PTPRN2: variants seen among roughly 807,000 people sequenced by gnomAD.
PTPRN2 encodes protein tyrosine phosphatase receptor type N2.
In PTPRN2, 74 loss-of-function variants were observed where a neutral mutation model predicts 118.8. The observed-to-expected ratio is 0.62, with a 90% CI of 0.52 to 0.76. The LOEUF (loss-of-function observed/expected upper bound fraction) is 0.76. Among genes scored for constraint, PTPRN2 ranks in the 30% least tolerant of loss-of-function variants. The probability of loss-of-function intolerance (pLI) is 0.00; values close to 1 mark genes in which losing one functional copy is unlikely to be tolerated. For missense variants in PTPRN2, 1,481 were observed against 1,394.4 expected (o/e 1.06, Z -0.99); for synonymous variants, 641 against 608.0 (o/e 1.05, Z -0.80).
At chr7:157,721,941 A>G (rs963037390) in intron 12 of PTPRN2, among the ~76,000 whole-genome samples, 1 of 152,148 alleles carries the variant, frequency 6.6e-6, no homozygotes, top group Admixed American at 6.5e-5. Context: ...AAACGAGAAC[A>G]CTTCATTCAA....
At chr7:158,431,618 G>A (rs1419694362) in intron 2 of PTPRN2, among the ~76,000 whole-genome samples, 96 of 101,920 alleles carry the variant, frequency 9.4e-4, no homozygotes, top group African/African-American at 3.4e-3. Flanking sequence ...ACACTGGCTC[G>A]CACTGGGCAC....
At chr7:157,835,971 C>T (rs922526836) in intron 12 of PTPRN2, among the ~76,000 whole-genome samples, 4 of 152,126 alleles carry the variant, frequency 2.6e-5, no homozygotes, top group Non-Finnish European at 4.4e-5. Flanking sequence ...CAACAAGCAA[C>T]GTTAGACACA....
At position 158,574,569 on chromosome 7, in the gene PTPRN2, T is replaced by C. The variant is rs1828221269; in HGVS notation, c.112+12989A>G. Reference sequence around the variant, plus strand: ...AAGAGCCCTGTCCAGGGCTTGGGCTTCCTTCCTAAGGTTAGATGTGGGGCA... The same window carrying C: ...AAGAGCCCTGTCCAGGGCTTGGGCTCCCTTCCTAAGGTTAGATGTGGGGCA... On this transcript the variant is annotated intron_variant, in intron 1 of 22. Transcript: ENST00000389418. This position sits in a 1 kb window ranked among gnomAD's most constrained non-coding sequence, Gnocchi z 4.6. 2.0e-5 allele frequency among the ~76,000 whole-genome samples: 3 copies of C among 152,232 alleles called. No homozygotes were observed. Among genetic ancestry groups the C allele is most frequent in the African/African-American group, 7.2e-5 (3 of 41,466 alleles).
intron 6 of PTPRN2, among the ~76,000 whole-genome samples, chr7:158,150,917 C>G (rs779472677): frequency 6.6e-6 from 1 of 152,018 alleles, no homozygotes; most frequent in African/African-American, 2.4e-5. Context: ...AAATGGGCCC[C>G]ACACAACACC....
chr7:158,106,554 G>T lies in PTPRN2; in HGVS notation c.1643+4275C>A, dbSNP rs574393511. Among the ~76,000 whole-genome samples the T allele has an allele frequency of 5.3e-5, 8 of 152,330 alleles. 1 individual carries two copies. Among genetic ancestry groups the T allele is most frequent in the African/African-American group, 1.9e-4 (8 of 41,576 alleles). ...TCACTGTTTATCACTGCTCAGAAGT[G>T]TGCCACTTTGGGAATATCCAAAACA... On this transcript the variant is annotated intron_variant, in intron 10 of 22. Coordinates refer to ENST00000389418, the MANE Select transcript of PTPRN2 (RefSeq NM_002847.5).
intron 12 of PTPRN2, chr7:157,857,545 C>CCA: frequency 6.6e-6 from 1 of 152,258 alleles, no homozygotes; most frequent in Admixed American, 6.5e-5. Flanking sequence ...CCTACTCATG[C>CCA]CAGGTGAGGC....
At chr7:158,268,260 C>T (rs138671270) in intron 3 of PTPRN2, among the ~76,000 whole-genome samples, 28 of 148,782 alleles carry the variant, frequency 1.9e-4, no homozygotes, top group South Asian at 4.3e-4. Context: ...ACACACAGAG[C>T]GGGGTGTGAA....
intron 13 of PTPRN2, among the ~76,000 whole-genome samples, chr7:157,661,201 C>T (rs933439606): frequency 3.3e-5 from 5 of 152,266 alleles, no homozygotes; most frequent in Admixed American, 6.5e-5. Flanking sequence ...CCAGTGGTCT[C>T]GCGTCACTGC....
At chr7:158,394,188 C>T (rs188983203) in intron 2 of PTPRN2, among the ~76,000 whole-genome samples, 34 of 151,834 alleles carry the variant, frequency 2.2e-4, no homozygotes, top group Non-Finnish European at 3.7e-4. Context: ...CTGTCCCCCA[C>T]GGATGCGTGG....
intron 3 of PTPRN2, among the ~76,000 whole-genome samples, chr7:158,215,002 C>G (rs971127391): frequency 3.9e-5 from 6 of 151,954 alleles, no homozygotes; most frequent in African/African-American, 1.4e-4. Context: ...AAGAAGATCA[C>G]AAAATAAATA....
intron 6 of PTPRN2, among the ~76,000 whole-genome samples, chr7:158,152,585 G>T (rs1397344843): frequency 1.3e-5 from 2 of 152,188 alleles, no homozygotes; most frequent in Non-Finnish European, 2.9e-5. Context: ...AGGAAGGCAG[G>T]TCCCTGGCTG....
intron 13 of PTPRN2, among the ~76,000 whole-genome samples, chr7:157,670,847 A>T (rs1283159056): frequency 6.6e-6 from 1 of 152,248 alleles, no homozygotes; most frequent in Non-Finnish European, 1.5e-5. Context: ...GCCAGTCAGT[A>T]AGAAACAAGT....
intron 1 of PTPRN2, among the ~76,000 whole-genome samples, chr7:158,511,629 C>T (rs556632736): frequency 6.6e-6 from 1 of 152,226 alleles, no homozygotes; most frequent in Non-Finnish European, 1.5e-5. Context: ...AGCTTTGCCT[C>T]TCACACAATC....
At chr7:158,103,926 G>A (rs181474848) in intron 10 of PTPRN2, among the ~76,000 whole-genome samples, 163 of 151,826 alleles carry the variant, frequency 1.1e-3, no homozygotes, top group African/African-American at 3.6e-3. Flanking sequence ...GCAGTGGCGC[G>A]ATCTCAGCTC....
chr7:158,007,488 G>A lies in PTPRN2; in HGVS notation c.1723+73810C>T, dbSNP rs771562722. ...TGACAGTGATGGAGGGGACCCAGAC[G>A]CAGGGACTACGGAGGGCAGTGGGGC... is the stretch of plus-strand genomic sequence containing the variant. On this transcript the variant is annotated intron_variant, in intron 11 of 22. Coordinates refer to ENST00000389418, the MANE Select transcript of PTPRN2 (RefSeq NM_002847.5). Among the ~76,000 whole-genome samples the A allele has an allele frequency of 2.6e-5, 4 of 152,200 alleles. No homozygotes were observed. In the South Asian group the frequency reaches 6.2e-4, roughly 24 times the overall value.
At position 157,842,580 on chromosome 7, in the gene PTPRN2, A is replaced by G. The variant is rs202100160; in HGVS notation, c.1788+56093T>C. On this transcript the variant is annotated intron_variant, in intron 12 of 22. Transcript: ENST00000389418. ...CAGGCAGGCACCACCATGCCCAGCT[A>G]ATTTTTGTATTTTTAGTAGAGATGG... Among the ~76,000 whole-genome samples the G allele has an allele frequency of 7.9e-5, 12 of 151,926 alleles. No individual in the cohort carries two copies. The East Asian group carries it at 2.1e-3, about 27-fold the overall frequency.
intron 1 of PTPRN2, among the ~76,000 whole-genome samples, chr7:158,582,246 G>A (rs910718420): frequency 2.0e-5 from 3 of 152,164 alleles, no homozygotes; most frequent in Non-Finnish European, 4.4e-5. Flanking sequence ...ATGTGGTGTG[G>A]AGGGTTATCT....
intron 3 of PTPRN2, among the ~76,000 whole-genome samples, chr7:158,224,699 T>C (rs1828619615): frequency 6.6e-6 from 1 of 152,162 alleles, no homozygotes; most frequent in Non-Finnish European, 1.5e-5. Context: ...ACATCAAACA[T>C]CTTCCATAAA....
chr7:158,136,536 T>C, intron 8 of PTPRN2, 119 bp downstream of exon 8: 2 of 861,470 alleles, frequency 2.3e-6, no homozygotes, highest in Non-Finnish European at 3.7e-6. Context: ...TATGAGGGGT[T>C]TCTCCATAAT....
Sources: allele counts gnomAD v4.1 joint callset (sites outside exome capture counted in the v4.1 genomes callset), GRCh38; gene constraint gnomAD v4.1.1; non-coding constraint Gnocchi (gnomAD v3.1); transcripts MANE v1.5; gene names NCBI Gene and HGNC (gene_info 2026-07-23, HGNC 2026-07-21).